The following ZBTB37 variants were observed in gnomAD, a reference collection of about 807,000 sequenced individuals.
ZBTB37 encodes zinc finger and BTB domain containing 37, also known as zinc finger and BTB domain-containing protein 37.
Under a neutral mutation model 37.7 loss-of-function variants are expected in ZBTB37, and 15 were observed. The observed-to-expected ratio is 0.40, with a 90% CI of 0.27 to 0.61. The LOEUF (loss-of-function observed/expected upper bound fraction) is 0.61. Among genes scored for constraint, ZBTB37 ranks in the 20% least tolerant of loss-of-function variants. The probability of loss-of-function intolerance (pLI) is 0.44; values close to 1 mark genes in which losing one functional copy is unlikely to be tolerated. For synonymous variants in ZBTB37, 231 were observed against 220.6 expected (o/e 1.05, Z -0.42); for missense variants, 514 against 641.9 (o/e 0.80, Z 2.15).
intron 4 of ZBTB37, among the ~76,000 whole-genome samples, chr1:173,878,667 A>C (rs977314964): frequency 6.6e-6 from 1 of 152,214 alleles, no homozygotes; most frequent in Admixed American, 6.5e-5. Flanking sequence ...TTTCACATAA[A>C]GCTTTAGCTT....
chr1:173,887,493 A>G (rs1398407423), downstream of ZBTB37: 1 of 152,200 alleles, frequency 6.6e-6, no homozygotes, highest in African/African-American at 2.4e-5. Flanking sequence ...AAGATTTTTA[A>G]AACTTCAAGG....
chr1:173,869,979 T>C (rs527598944), intron 2 of ZBTB37, among the ~76,000 whole-genome samples: 23 of 152,240 alleles, frequency 1.5e-4, no homozygotes, highest in Non-Finnish European at 3.2e-4. Flanking sequence ...TTTAGGAGTC[T>C]AAAGATCACT....
chr1:173,895,163 G>T (rs143595382), exon 4 of ZBTB37: 4 of 152,488 alleles, frequency 2.6e-5, no homozygotes, highest in Non-Finnish European at 5.9e-5. Flanking sequence ...GAGTGCAGTG[G>T]TGCAATCACA....
chr1:173,872,708 T>C (rs80085489), intron 3 of ZBTB37, among the ~76,000 whole-genome samples: 4 of 152,022 alleles, frequency 2.6e-5, no homozygotes, highest in Non-Finnish European at 4.4e-5. Context: ...TAAAAAAAAC[T>C]ATCAGAAGTA....
chr1:173,872,917 G>T (rs935905135), intron 3 of ZBTB37, among the ~76,000 whole-genome samples: 17 of 151,510 alleles, frequency 1.1e-4, no homozygotes, highest in African/African-American at 3.9e-4. Flanking sequence ...TGAGGCAGGA[G>T]AATCGCTTGA....
intron 3 of ZBTB37, among the ~76,000 whole-genome samples, chr1:173,872,275 A>G (rs1224364304): frequency 6.6e-6 from 1 of 152,052 alleles, no homozygotes; most frequent in Non-Finnish European, 1.5e-5. Context: ...GGGTTTTACC[A>G]TGCTAGCCAG....
chr1:173,873,761 T>C (rs1418263417), intron 4 of ZBTB37, 195 bp downstream of exon 4: 2 of 851,300 alleles, frequency 2.3e-6, no homozygotes, highest in East Asian at 6.2e-5. Flanking sequence ...AAAGGAAAAT[T>C]GCAGACTGGT....
exon 4 of ZBTB37, chr1:173,893,385 A>G (rs1047058419): frequency 3.3e-5 from 5 of 152,240 alleles, no homozygotes; most frequent in African/African-American, 4.8e-5. Flanking sequence ...AGAATGTTTC[A>G]TTAAGTAAAT....
rs1051340257 is a variant in ZBTB37, at chr1:173,881,330, A to G, written c.1024-4306A>G. ...TAGTATTCCATGGTGTATATGTGCC[A>G]CATTTTCTTAATCCAGTCTATCATT... On this transcript the variant is annotated intron_variant, in intron 4 of 4. Transcript: ENST00000427304. 1.1e-4 allele frequency among the ~76,000 whole-genome samples: 17 copies of G among 152,314 alleles called. No individual in the cohort carries two copies. The South Asian group carries it at 3.1e-3, about 28-fold the overall frequency.
chr1:173,873,415 G>T (rs1421622698), intron 3 of ZBTB37, 52 bp from the exon 4 acceptor site: 38 of 1,508,548 alleles, frequency 2.5e-5, no homozygotes, highest in African/African-American at 4.2e-5. Flanking sequence ...CATTTTTCAG[G>T]TTCTTTGATG....
At chr1:173,869,994 AGTTTTAACTAT>A (rs1397365946) in intron 2 of ZBTB37, among the ~76,000 whole-genome samples, 195 bp from the exon 3 acceptor site, 1 of 152,186 alleles carries the variant, frequency 6.6e-6, no homozygotes, top group Non-Finnish European at 1.5e-5. Context: ...ATCACTTTTT[AGTTTTAACTAT>A]GTCCTCCTGT....
Position 173,879,549 on chromosome 1 carries a change from T to C in ZBTB37, c.1023+5983T>C, listed in dbSNP as rs536021590. ...TTAAGAAGAGGGCTCCGCAGTCTAATGTTTCAGATTTTTTGCCAGGTACAG... is the reference window on the plus strand; with the variant it reads ...TTAAGAAGAGGGCTCCGCAGTCTAACGTTTCAGATTTTTTGCCAGGTACAG... On this transcript the variant is annotated intron_variant, in intron 4 of 4. Transcript: ENST00000427304. 5.3e-4 allele frequency among the ~76,000 whole-genome samples: 80 copies of C among 152,296 alleles called. 1 individual carries two copies. Among genetic ancestry groups the C allele is most frequent in the African/African-American group, 1.4e-3 (60 of 41,568 alleles).
chr1:173,875,185 TGTA>T (rs927868518), intron 4 of ZBTB37, among the ~76,000 whole-genome samples: 2 of 150,912 alleles, frequency 1.3e-5, no homozygotes, highest in African/African-American at 4.9e-5. Context: ...ATATACTATA[TGTA>T]GTATACACAC....
chr1:173,885,670 A>C (rs761301315), exon 5 of ZBTB37: 4 of 1,552,016 alleles, frequency 2.6e-6, no homozygotes, highest in African/African-American at 1.4e-5. Context: ...GTAAGTGGCT[A>C]TGTGGAGTAT....
chr1:173,886,000 G>A (rs1034265962), exon 5 of ZBTB37: 1 of 1,551,604 alleles, frequency 6.4e-7, no homozygotes, highest in African/African-American at 1.4e-5. Context: ...GGGCCTCACA[G>A]CATCTCCCCT....
chr1:173,885,768 G>A, exon 5 of ZBTB37: 1 of 1,551,614 alleles, frequency 6.4e-7, no homozygotes, highest in Non-Finnish European at 8.7e-7. Flanking sequence ...CAACCAGAAG[G>A]GAAGCCTGGA....
intron 4 of ZBTB37, among the ~76,000 whole-genome samples, chr1:173,882,258 TTGAGACA>T (rs1656361466): frequency 1.5e-5 from 2 of 137,638 alleles, no homozygotes; most frequent in Admixed American, 1.4e-4. Flanking sequence ...TTTTTTTTTT[TTGAGACA>T]GAGTCTGGCT....
chr1:173,896,121 G>A (rs537133011), exon 4 of ZBTB37: 1 of 152,250 alleles, frequency 6.6e-6, no homozygotes, highest in African/African-American at 2.4e-5. Context: ...CCTGGGAAGG[G>A]AAAAAGAAGA....
exon 5 of ZBTB37, chr1:173,886,444 C>G (rs1353190871): frequency 3.2e-6 from 1 of 311,124 alleles, no homozygotes; most frequent in Non-Finnish European, 6.1e-6. Flanking sequence ...ATTTATCTAT[C>G]AGTCATGTTT....
Sources: gnomAD v4.1 joint callset for allele counts (sites outside exome capture counted in the v4.1 genomes callset) on GRCh38, gnomAD v4.1.1 for gene constraint, MANE v1.5 for transcripts, NCBI Gene and HGNC (gene_info 2026-07-23, HGNC 2026-07-21) for gene names.